The following TEKT1 variants were observed in gnomAD, a reference collection of about 807,000 sequenced individuals.
TEKT1 encodes tektin-1.
In TEKT1, 32 loss-of-function variants were observed where a neutral mutation model predicts 34.8. That is an observed-to-expected ratio of 0.92 (90% confidence interval 0.69 to 1.23). The LOEUF (loss-of-function observed/expected upper bound fraction) is 1.23. Among genes scored for constraint, TEKT1 ranks in the 50% most tolerant of loss-of-function variants. The probability of loss-of-function intolerance (pLI) is 0.00; values close to 1 mark genes in which losing one functional copy is unlikely to be tolerated. For missense variants in TEKT1, 492 were observed against 518.5 expected (o/e 0.95, Z 0.50); for synonymous variants, 207 against 199.8 (o/e 1.04, Z -0.30).
At chr17:6,826,532 C>G (rs1904399112) in intron 2 of TEKT1, among the ~76,000 whole-genome samples, 2 of 151,872 alleles carry the variant, frequency 1.3e-5, no homozygotes, top group Admixed American at 1.3e-4. Context: ...TTGCCTTCGA[C>G]AAGTCATAAA....
At chr17:6,829,613 G>T (rs1269230522) in intron 2 of TEKT1, among the ~76,000 whole-genome samples, 1 of 150,922 alleles carries the variant, frequency 6.6e-6, no homozygotes, top group Non-Finnish European at 1.5e-5. Context: ...CCTCCAAGTA[G>T]CTGGGACTAA....
Position 6,815,913 on chromosome 17 carries a change from G to T in TEKT1, c.406C>A (p.Leu136Met), listed in dbSNP as rs1264386392. The change falls in exon 4 of 8, where the codon CTG (leucine) becomes ATG (methionine). Residue 136 changes from leucine (L) to methionine (M), a missense_variant. Physicochemically the swap from Leu to Met is conservative, Grantham distance 15. Transcript: ENST00000338694. ...TGGATGATCTCAGCCTCCTTTATCA[G>T]CTCATGCTCCACTGTGTCGTGCACC... ...DLVHDTVEHE[L>M]IKEAEIIQGI... 1 of 1,614,148 alleles carries T rather than the reference G, an allele frequency of 6.2e-7. No homozygotes were observed. The highest frequency in any genetic ancestry group is 1.1e-5 in the South Asian group (1 of 91,088).
In TEKT1 at chr17:6,798,932, C is replaced by A; in HGVS notation, c.*1095G>T. ...TAGAAGCTAGGTCTCCTGAGCCCCA[C>A]ACCGTCAGCTGTCCATGAGCACCGG... On this transcript the variant is annotated 3_prime_UTR_variant, in exon 8 of 8. Transcript: ENST00000338694. 1 of 152,374 alleles carries A rather than the reference C, an allele frequency of 6.6e-6. No individual in the cohort carries two copies. 9.4% of individuals were successfully genotyped at this position (152,374 alleles called of 1,614,324 possible). A position where few individuals can be genotyped will look rare whatever the true frequency, so the allele number is the denominator to read the frequency against.
At chr17:6,821,091 G>GA (rs767017816) in intron 2 of TEKT1, among the ~76,000 whole-genome samples, 73 of 152,172 alleles carry the variant, frequency 4.8e-4, no homozygotes, top group Non-Finnish European at 9.0e-4. Context: ...TTTCCACTCT[G>GA]AAAAATTTTA....
At chr17:6,823,339 G>T (rs909661433) in intron 2 of TEKT1, among the ~76,000 whole-genome samples, 1 of 152,132 alleles carries the variant, frequency 6.6e-6, no homozygotes, top group Non-Finnish European at 1.5e-5. Flanking sequence ...CTGATTTTCT[G>T]CAGTCCCTAG....
At chr17:6,804,872 A>G (rs1286238492) in intron 6 of TEKT1, among the ~76,000 whole-genome samples, 1 of 152,144 alleles carries the variant, frequency 6.6e-6, no homozygotes, top group African/African-American at 2.4e-5. Context: ...CCAGTATTTT[A>G]TTGAGGATTT....
At chr17:6,809,983 T>C (rs992192831) in intron 6 of TEKT1, among the ~76,000 whole-genome samples, 1 of 152,244 alleles carries the variant, frequency 6.6e-6, no homozygotes, top group Non-Finnish European at 1.5e-5. Context: ...ACATAAGTTT[T>C]CAGCCCATCT....
Position 6,824,701 on chromosome 17 carries a change from A to G in TEKT1, c.191-5343T>C, listed in dbSNP as rs573936765. 3.9e-5 allele frequency among the ~76,000 whole-genome samples: 6 copies of G among 152,244 alleles called. No homozygotes were observed. The East Asian group carries it at 9.6e-4, about 24-fold the overall frequency. On this transcript the variant is annotated intron_variant, in intron 2 of 7. Transcript: ENST00000338694. ...GAATGTATCAGTCTTTTTCAATTTT[A>G]TACTCCTAAGCATCTAGCACAGGGT...
chr17:6,807,270 G>T (rs1402885819), intron 6 of TEKT1, among the ~76,000 whole-genome samples: 1 of 152,142 alleles, frequency 6.6e-6, no homozygotes, highest in Non-Finnish European at 1.5e-5. Flanking sequence ...TGGCTACTGA[G>T]GCTTGTGCAT....
rs754116309 is a variant in TEKT1 at position 6,811,225 on chromosome 17, A to T, written c.852+1606T>A. 6.7e-6 allele frequency among the ~76,000 whole-genome samples: 1 copy of T among 149,578 alleles called. No homozygotes were observed. Among genetic ancestry groups the T allele is most frequent in the East Asian group, 1.9e-4 (1 of 5,144 alleles). ...GAAGTCTCTGGATTATTCCTTGGCT[A>T]TCATCATCATCATCATCATCATCAA... On this transcript the variant is annotated intron_variant, in intron 6 of 7. Coordinates refer to ENST00000338694, the MANE Select transcript of TEKT1 (RefSeq NM_053285.2). The surrounding 1 kb of genome is among the most constrained non-coding windows in gnomAD (Gnocchi z 4.4).
Position 6,800,863 on chromosome 17 carries a change from C to A in TEKT1, c.933G>T (p.Lys311Asn), listed in dbSNP as rs77092590. The change falls in exon 7 of 8, where the codon AAG becomes AAT. Residue 311 changes from lysine to asparagine, a missense_variant. Lys to Asn is a moderately conservative substitution (Grantham distance 94). Transcript: ENST00000338694. ...KAILDQEGPA[K>N]VAHTRLETRT... is the part of the protein sequence containing the mutation. ...TGGTCTCCAAGCGCGTATGAGCCAC[C>A]TTGGCTGGCCCTTCTTGGTCAAGGA... 1,066 of 1,614,162 alleles carry A rather than the reference C, an allele frequency of 6.6e-4. 25 individuals carry two copies. The East Asian group carries it at 0.021, about 32-fold the overall frequency.
intron 6 of TEKT1, among the ~76,000 whole-genome samples, chr17:6,810,876 T>C (rs1353088328): frequency 6.6e-6 from 1 of 152,122 alleles, no homozygotes; most frequent in Non-Finnish European, 1.5e-5. Context: ...GTAGCTGTGA[T>C]TACAGGCGCC....
Position 6,809,522 on chromosome 17 carries a change from G to A in TEKT1, c.852+3309C>T, listed in dbSNP as rs113751444. On this transcript the variant is annotated intron_variant, in intron 6 of 7. Coordinates refer to ENST00000338694, the MANE Select transcript of TEKT1 (RefSeq NM_053285.2). ...GCTAGGATTACAGGCATGAGCCACC[G>A]CGCCCAGCCGATTCTATGGGTTTTG... Among the ~76,000 whole-genome samples the A allele has an allele frequency of 5.9e-3, 905 of 152,222 alleles. 17 individuals carry two copies. The highest frequency in any genetic ancestry group is 0.044 in the South Asian group (210 of 4,826).
At position 6,811,224 on chromosome 17, in the gene TEKT1, TATCATCATCATCATC is replaced by T. The variant is rs376522151; in HGVS notation, c.852+1592_852+1606del. Among the ~76,000 whole-genome samples the T allele has an allele frequency of 6.6e-6, 1 of 151,876 alleles. No homozygotes were observed. Among genetic ancestry groups the T allele is most frequent in the South Asian group, 2.1e-4 (1 of 4,818 alleles). ...GGAAGTCTCTGGATTATTCCTTGGC[TATCATCATCATCATC>T]ATCATCATCAATCAACTATTTTTAT... is the stretch of plus-strand genomic sequence containing the variant. On this transcript the variant is annotated intron_variant, in intron 6 of 7. Transcript: ENST00000338694. This position sits in a 1 kb window ranked among gnomAD's most constrained non-coding sequence, Gnocchi z 4.4.
chr17:6,801,114 C>A (rs1976765646), intron 6 of TEKT1, among the ~76,000 whole-genome samples, 171 bp from the exon 7 acceptor site: 2 of 152,130 alleles, frequency 1.3e-5, no homozygotes, highest in Admixed American at 1.3e-4. Context: ...TGCTGGTGGG[C>A]AAGGTCACAT....
At chr17:6,808,803 T>A (rs1188586389) in intron 6 of TEKT1, among the ~76,000 whole-genome samples, 1 of 152,100 alleles carries the variant, frequency 6.6e-6, no homozygotes, top group Non-Finnish European at 1.5e-5. Context: ...AAGAAATTTT[T>A]AAAAAACAGG....
At chr17:6,807,454 T>G (rs990320486) in intron 6 of TEKT1, among the ~76,000 whole-genome samples, 1 of 152,240 alleles carries the variant, frequency 6.6e-6, no homozygotes, top group Non-Finnish European at 1.5e-5. Flanking sequence ...ATCTGAAGCC[T>G]TCTTCTCTCA....
chr17:6,830,190 G>C lies in TEKT1; in HGVS notation c.187C>G (p.Leu63Val), dbSNP rs1904533095. 6.2e-7 allele frequency: 1 copy of C among 1,607,868 alleles called. No homozygotes were observed. The highest frequency in any genetic ancestry group is 8.5e-7 in the Non-Finnish European group (1 of 1,178,792). Residue 63 changes from leucine to valine, a missense_variant, in exon 2 of 8, where the codon CTA (leucine) becomes GTA (valine). Physicochemically the swap from Leu to Val is conservative, Grantham distance 32 (BLOSUM62 1). Coordinates refer to ENST00000338694, the MANE Select transcript of TEKT1 (RefSeq NM_053285.2). ...TATGCCAAGCATGTTGTCTTACCTA[G>C]TTTCTTGTTCACATCGCTTTGAGAT... is the stretch of plus-strand genomic sequence containing the variant. ...RKSQSDVNKKLEQRLEEVQFW... is the reference protein window; with the variant it reads ...RKSQSDVNKKVEQRLEEVQFW...
At chr17:6,829,311 C>G (rs895407418) in intron 2 of TEKT1, among the ~76,000 whole-genome samples, 5 of 152,206 alleles carry the variant, frequency 3.3e-5, no homozygotes, top group Non-Finnish European at 2.9e-5. Flanking sequence ...TCTGGTTATA[C>G]ACCTGTCCCT....
Sources: gnomAD v4.1 joint callset for allele counts (sites outside exome capture counted in the v4.1 genomes callset) on GRCh38, gnomAD v4.1.1 for gene constraint, Gnocchi (gnomAD v3.1) non-coding constraint, MANE v1.5 for transcripts, NCBI Gene and HGNC (gene_info 2026-07-23, HGNC 2026-07-21) for gene names.